Variants in DCLK2 observed in about 807,000 individuals in gnomAD.
DCLK2 encodes the protein doublecortin like kinase 2.
DCLK2 carries 31 observed loss-of-function variants against 78.4 expected under a neutral mutation model. That is an observed-to-expected ratio of 0.40 (90% CI 0.30 to 0.53). The LOEUF (loss-of-function observed/expected upper bound fraction) is 0.53. DCLK2 is among the 20% of genes least tolerant of loss of function. The pLI is 0.61. For synonymous variants in DCLK2, 407 were observed against 374.9 expected (o/e 1.09, Z -0.99); for missense variants, 872 against 973.7 (o/e 0.90, Z 1.39).
rs181972964 is a variant in DCLK2 at position 150,130,440 on chromosome 4, C to A, written c.756+27628C>A. Among the ~76,000 whole-genome samples the A allele has an allele frequency of 2.7e-3, 407 of 152,120 alleles. 4 individuals are homozygous for A. Among genetic ancestry groups the A allele is most frequent in the African/African-American group, 9.7e-3 (402 of 41,446 alleles). The stretch of plus-strand genomic sequence containing the variant: ...TGTTCCCATCCATCACCCAGCCACA[C>A]CCGTACCCACACATGTACACGAACA... On this transcript the variant is annotated intron_variant, in intron 2 of 15. Transcript: ENST00000296550.
At chr4:150,250,666 C>T (rs1181963834) in intron 15 of DCLK2, among the ~76,000 whole-genome samples, 1 of 151,752 alleles carries the variant, frequency 6.6e-6, no homozygotes, top group East Asian at 1.9e-4. Flanking sequence ...AAGGATGGGC[C>T]ACCTCCACAG....
At chr4:150,165,366 A>G (rs1270295060) in intron 2 of DCLK2, among the ~76,000 whole-genome samples, 1 of 152,110 alleles carries the variant, frequency 6.6e-6, no homozygotes, top group Non-Finnish European at 1.5e-5. Flanking sequence ...TTTATATACA[A>G]TAACTGCTGA....
chr4:150,253,763 C>CT, intron 15 of DCLK2: 1 of 985,464 alleles, frequency 1.0e-6, no homozygotes, highest in Non-Finnish European at 1.2e-6. Context: ...CACTGCCTGC[C>CT]TTTCCAGACC....
chr4:150,117,265 G>A (rs560285165), intron 2 of DCLK2, among the ~76,000 whole-genome samples: 52 of 152,242 alleles, frequency 3.4e-4, no homozygotes, highest in Non-Finnish European at 6.6e-4. Context: ...CAGCTCCCAC[G>A]CACTTGGCAA....
intron 1 of DCLK2, among the ~76,000 whole-genome samples, chr4:150,090,565 C>G (rs1341481079): frequency 1.7e-5 from 2 of 120,444 alleles, no homozygotes; most frequent in Non-Finnish European, 4.0e-5. Flanking sequence ...CCATCCTACC[C>G]AGGAGATTAG....
intron 2 of DCLK2, among the ~76,000 whole-genome samples, chr4:150,118,147 A>G (rs1732241441): frequency 6.6e-6 from 1 of 151,984 alleles, no homozygotes. Flanking sequence ...GCTCTGGGAG[A>G]GGCTTCAATG....
chr4:150,232,221 C>A, intron 8 of DCLK2, 116 bp from the exon 9 acceptor site: 1 of 1,291,946 alleles, frequency 7.7e-7, no homozygotes, highest in Non-Finnish European at 1.1e-6. Context: ...GTGCCAAGAG[C>A]AATGCTTTCT....
At chr4:150,180,840 A>G (rs779300190) in intron 2 of DCLK2, among the ~76,000 whole-genome samples, 1 of 152,102 alleles carries the variant, frequency 6.6e-6, no homozygotes, top group Non-Finnish European at 1.5e-5. Flanking sequence ...ATATTCCTCT[A>G]ACTTTCCCCA....
intron 5 of DCLK2, among the ~76,000 whole-genome samples, chr4:150,207,859 G>T (rs1739955065): frequency 1.3e-5 from 2 of 152,184 alleles, no homozygotes; most frequent in Admixed American, 1.3e-4. Flanking sequence ...CAAAGAGTGG[G>T]GGTGGTCCCT....
rs1331312568 is a variant in DCLK2, at chr4:150,233,756, C to T, written c.1566+928C>T. Among the ~76,000 whole-genome samples, 3 of 152,128 alleles carry T rather than the reference C, an allele frequency of 2.0e-5. No homozygotes were observed. The East Asian group carries it at 5.8e-4, about 29-fold the overall frequency. ...CAATTTGTCTTTTCAGCTTCCTGTCCTGTTAATAACTCTTATCCATCCAAC... is the reference window on the plus strand; with the variant it reads ...CAATTTGTCTTTTCAGCTTCCTGTCTTGTTAATAACTCTTATCCATCCAAC... On this transcript the variant is annotated intron_variant, in intron 10 of 15. Coordinates refer to ENST00000296550, the MANE Select transcript of DCLK2 (RefSeq NM_001040260.4).
chr4:150,202,667 C>T (rs1233713358), intron 4 of DCLK2, among the ~76,000 whole-genome samples: 1 of 152,138 alleles, frequency 6.6e-6, no homozygotes, highest in African/African-American at 2.4e-5. Flanking sequence ...GTCGCTCTCT[C>T]ATCTTTTCTT....
chr4:150,246,988 A>C (rs182514655), intron 12 of DCLK2, among the ~76,000 whole-genome samples: 2 of 152,256 alleles, frequency 1.3e-5, no homozygotes, highest in Non-Finnish European at 2.9e-5. Context: ...ATGAATGTTT[A>C]TCCAGATCCT....
At chr4:150,252,826 C>T (rs1222547253) in intron 15 of DCLK2, among the ~76,000 whole-genome samples, 2 of 152,174 alleles carry the variant, frequency 1.3e-5, no homozygotes, top group Non-Finnish European at 2.9e-5. Context: ...CCCATGTTAC[C>T]TACACAACTC....
chr4:150,251,575 A>C (rs1580809729), intron 15 of DCLK2, among the ~76,000 whole-genome samples: 1 of 7,824 alleles, frequency 1.3e-4, no homozygotes. Context: ...CCACACCCCC[A>C]CATAGCCCAC....
rs1383680721 is a variant in DCLK2 at position 150,256,249 on chromosome 4, C to T, written c.*2C>T. On this transcript the variant is annotated 3_prime_UTR_variant, in exon 16 of 16. Transcript: ENST00000296550. The stretch of plus-strand genomic sequence containing the variant: ...ACCTGGCGCCGCCACCGAGACTGAG[C>T]CTCCTGCAGACGGGCGAAGCCGCCT... 1.1e-5 allele frequency: 16 copies of T among 1,512,002 alleles called. No individual in the cohort carries two copies. The highest frequency in any genetic ancestry group is 2.4e-4 in the Middle Eastern group (1 of 4,146). The allele number at this position is 1,512,002 out of a possible 1,614,324, so 93.7% of individuals were successfully genotyped here. A position where few individuals can be genotyped will look rare whatever the true frequency, so the allele number is the denominator to read the frequency against.
At chr4:150,193,006 C>T (rs980988715) in intron 2 of DCLK2, 132 bp from the exon 3 acceptor site, 3 of 570,140 alleles carry the variant, frequency 5.3e-6, no homozygotes, top group Non-Finnish European at 9.4e-6. Context: ...TGCTTAGAAA[C>T]GTAGTTATAT....
intron 1 of DCLK2, among the ~76,000 whole-genome samples, chr4:150,085,079 A>T (rs1729547737): frequency 6.6e-6 from 1 of 152,182 alleles, no homozygotes; most frequent in Non-Finnish European, 1.5e-5. Flanking sequence ...GGGGAAGCTG[A>T]GGCTCAGAGA....
intron 1 of DCLK2, among the ~76,000 whole-genome samples, chr4:150,091,021 G>C (rs1336857644): frequency 6.6e-6 from 1 of 152,166 alleles, no homozygotes; most frequent in African/African-American, 2.4e-5. Flanking sequence ...GTGTTAGTCT[G>C]CCAATTCCTT....
intron 2 of DCLK2, among the ~76,000 whole-genome samples, chr4:150,181,999 T>C (rs1328661352): frequency 6.6e-6 from 1 of 152,154 alleles, no homozygotes; most frequent in Admixed American, 6.5e-5. Flanking sequence ...CCAAATGATT[T>C]ACCTTTCCTT....
Sources: allele counts gnomAD v4.1 joint callset (sites outside exome capture counted in the v4.1 genomes callset), GRCh38; gene constraint gnomAD v4.1.1; transcripts MANE v1.5; gene names NCBI Gene and HGNC (gene_info 2026-07-23, HGNC 2026-07-21).